NFIX: variants seen among roughly 807,000 people sequenced by gnomAD.
NFIX encodes nuclear factor I X.
In NFIX, 2 loss-of-function variants were observed where a neutral mutation model predicts 53.3. That is an observed-to-expected ratio of 0.04 (90% CI 0.02 to 0.12). The LOEUF is 0.12. NFIX is among the 10% of genes least tolerant of loss of function. NFIX has a pLI of 1.00. For synonymous variants in NFIX, 244 were observed against 289.0 expected, an observed-to-expected ratio of 0.84 and a Z score of 1.58; for missense variants, 310 against 674.5, an observed-to-expected ratio of 0.46 and a Z score of 5.99.
chr19:13,076,807 A>C (rs753113980), intron 6 of NFIX, among the ~76,000 whole-genome samples: 1 of 152,152 alleles, frequency 6.6e-6, no homozygotes, highest in African/African-American at 2.4e-5. Context: ...CCCAGAACGA[A>C]TGCAAGTTCT....
chr19:13,039,228 C>A (rs7508763), intron 2 of NFIX, among the ~76,000 whole-genome samples: 49,409 of 144,494 alleles, frequency 0.34, 9,993 homozygotes, highest in East Asian at 0.69. Flanking sequence ...ACACCCCCCC[C>A]CACACACACA....
Position 13,018,342 on chromosome 19 carries a change from G to C in NFIX, c.28-6679G>C, listed in dbSNP as rs1004424739. Among the ~76,000 whole-genome samples, 8 of 117,900 alleles carry C rather than the reference G, an allele frequency of 6.8e-5. 2 individuals are homozygous for C. In the East Asian group the frequency reaches 9.2e-4, roughly 14 times the overall value. The allele number at this position is 117,900 out of a possible 152,430, so 77.3% of individuals were successfully genotyped here. ...GAGGAGAAAAGGAAGGGGCGGGGGGGGGGGGGGGGCGCGGTTTACAGGAGA... is the reference window on the plus strand; with the variant it reads ...GAGGAGAAAAGGAAGGGGCGGGGGGCGGGGGGGGGCGCGGTTTACAGGAGA... On this transcript the variant is annotated intron_variant, in intron 1 of 10. Transcript: ENST00000592199.
chr19:13,046,659 G>GT (rs946701476), intron 2 of NFIX, among the ~76,000 whole-genome samples: 15 of 152,150 alleles, frequency 9.9e-5, no homozygotes, highest in Admixed American at 9.8e-4. Flanking sequence ...TTGATGTTTT[G>GT]TTTGGTAAAA....
rs957386790 is a variant in NFIX at position 13,089,801 on chromosome 19, A to T, written c.1403-498A>T. 6.6e-6 allele frequency among the ~76,000 whole-genome samples: 1 copy of T among 152,160 alleles called. No homozygotes were observed. The highest frequency in any genetic ancestry group is 1.5e-5 in the Non-Finnish European group (1 of 67,994). On this transcript the variant is annotated intron_variant, in intron 9 of 10. Coordinates refer to ENST00000592199, the MANE Select transcript of NFIX (RefSeq NM_001365902.3). This position sits in a 1 kb window ranked among gnomAD's most constrained non-coding sequence, Gnocchi z 4.8. ...CTGGCTGGGAAGGCCTTCCCGAAGC[A>T]GGGTGGGGCCGGACTGCCAAAGCCT...
chr19:13,070,926 G>A (rs1481550767), intron 2 of NFIX: 1 of 152,492 alleles, frequency 6.6e-6, no homozygotes, highest in Non-Finnish European at 1.5e-5. Context: ...CCTGGGCTGG[G>A]TACGCGCATG....
At position 13,096,072 on chromosome 19, in the gene NFIX, C is replaced by A. The variant is rs1275472708; in HGVS notation, c.*1423C>A. The stretch of plus-strand genomic sequence containing the variant: ...GTCCAGAGGGTCTTCAGAAGCCCCC[C>A]TGGGAGGGAGGGGAGGATGAGCACG... On this transcript the variant is annotated 3_prime_UTR_variant, in exon 11 of 11. Coordinates refer to ENST00000592199, the MANE Select transcript of NFIX (RefSeq NM_001365902.3). 1 of 152,550 alleles carries A rather than the reference C, an allele frequency of 6.6e-6. No homozygotes were observed. The highest frequency in any genetic ancestry group is 1.5e-5 in the Non-Finnish European group (1 of 68,084). The allele number at this position is 152,550 out of a possible 1,614,324, so 9.4% of individuals were successfully genotyped here.
intron 6 of NFIX, among the ~76,000 whole-genome samples, chr19:13,076,287 G>C (rs2145446340): frequency 6.6e-6 from 1 of 152,322 alleles, no homozygotes; most frequent in East Asian, 1.9e-4. Flanking sequence ...TTTGAGACCA[G>C]GTAGGGAAGC....
chr19:13,018,029 T>C (rs1434177732), intron 1 of NFIX, among the ~76,000 whole-genome samples: 11 of 152,214 alleles, frequency 7.2e-5, no homozygotes, highest in Non-Finnish European at 1.5e-4. Flanking sequence ...AGCTTTGGCC[T>C]TCCTGGCTTT....
intron 6 of NFIX, among the ~76,000 whole-genome samples, chr19:13,077,721 C>G (rs2017194233): frequency 6.6e-6 from 1 of 152,244 alleles, no homozygotes; most frequent in African/African-American, 2.4e-5. Flanking sequence ...CCTTCCCAGC[C>G]TGGGCACAAC....
chr19:13,055,083 A>C (rs2015570173), intron 2 of NFIX, among the ~76,000 whole-genome samples: 1 of 140,438 alleles, frequency 7.1e-6, no homozygotes, highest in South Asian at 2.4e-4. Context: ...TCTCCTAATA[A>C]TCCCCCCTTT....
In NFIX at chr19:13,072,949, G is replaced by C; in HGVS notation, c.560-98G>C. 1.7e-6 allele frequency: 2 copies of C among 1,201,462 alleles called. No individual in the cohort carries two copies. The highest frequency in any genetic ancestry group is 2.3e-5 in the East Asian group (1 of 42,932). The allele number at this position is 1,201,462 out of a possible 1,614,324, so 74.4% of individuals were successfully genotyped here. On this transcript the variant is annotated intron_variant, in intron 2 of 10. Coordinates refer to ENST00000592199, the MANE Select transcript of NFIX (RefSeq NM_001365902.3). The surrounding 1 kb of genome is among the most constrained non-coding windows in gnomAD (Gnocchi z 4.0). ...AAGGTTTCTGTAGCCAGGGTGGGCC[G>C]TCCCTGCTCTTGCACCAGGCTGGAG...
chr19:13,091,368 G>GT (rs778831406), intron 10 of NFIX, among the ~76,000 whole-genome samples: 3,329 of 52,794 alleles, frequency 0.063, 56 homozygotes, highest in Middle Eastern at 0.16. Flanking sequence ...GTTTGAGATT[G>GT]TTTTTTTTTT....
Position 13,090,273 on chromosome 19 carries a change from C to T in NFIX, c.1403-26C>T. ...TGGGCCCCAAGGCCTGACAGGGTCT[C>T]TCCCTCTCTCCCCTGCTCCCCACAG... On this transcript the variant is annotated intron_variant, in intron 9 of 10. Coordinates refer to ENST00000592199, the MANE Select transcript of NFIX (RefSeq NM_001365902.3). This position sits in a 1 kb window ranked among gnomAD's most constrained non-coding sequence, Gnocchi z 6.6. 1 of 1,612,070 alleles carries T rather than the reference C, an allele frequency of 6.2e-7. No individual in the cohort carries two copies. Among genetic ancestry groups the T allele is most frequent in the Non-Finnish European group, 8.5e-7 (1 of 1,178,242 alleles).
At position 13,094,612 on chromosome 19, in the gene NFIX, G is replaced by A. The variant is rs1204919177; in HGVS notation, c.1495-23G>A. 1.9e-5 allele frequency: 29 copies of A among 1,535,900 alleles called. No homozygotes were observed. In the Admixed American group the frequency reaches 3.9e-4, roughly 21 times the overall value. The stretch of plus-strand genomic sequence containing the variant: ...ACCTGCCCCAGCTGTTCTCAGTATC[G>A]CCTCTTTTTCATCCTGTTTCAGTCC... On this transcript the variant is annotated intron_variant, in intron 10 of 10. Transcript: ENST00000592199. The surrounding 1 kb of genome is among the most constrained non-coding windows in gnomAD (Gnocchi z 4.3).
At position 13,013,460 on chromosome 19, in the gene NFIX, G is replaced by A. The variant is rs2012486466; in HGVS notation, c.28-11561G>A. Among the ~76,000 whole-genome samples the A allele has an allele frequency of 6.6e-6, 1 of 152,054 alleles. No individual in the cohort carries two copies. The highest frequency in any genetic ancestry group is 2.4e-5 in the African/African-American group (1 of 41,392). ...TTGATGGTGTTAGGTCCTTTTCCAC[G>A]TGCGGATGACTCAGCCCGCTGCAGC... On this transcript the variant is annotated intron_variant, in intron 1 of 10. Coordinates refer to ENST00000592199, the MANE Select transcript of NFIX (RefSeq NM_001365902.3). This position sits in a 1 kb window ranked among gnomAD's most constrained non-coding sequence, Gnocchi z 5.9.
chr19:13,020,276 C>T (rs759542855), intron 1 of NFIX, among the ~76,000 whole-genome samples: 15 of 152,142 alleles, frequency 9.9e-5, no homozygotes, highest in African/African-American at 2.4e-4. Context: ...TCATGAGGGG[C>T]GTGTCTGGGC....
intron 1 of NFIX, among the ~76,000 whole-genome samples, chr19:13,015,790 T>TCA (rs5827172): frequency 0.069 from 9,158 of 132,030 alleles, 437 homozygotes; most frequent in African/African-American, 0.16. Context: ...CATAGAGAGA[T>TCA]CACACACACA....
chr19:13,001,606 C>T lies in NFIX; in HGVS notation c.27+5742C>T, dbSNP rs188549538. 3.9e-5 allele frequency among the ~76,000 whole-genome samples: 6 copies of T among 152,284 alleles called. No homozygotes were observed. Among genetic ancestry groups the T allele is most frequent in the East Asian group, 3.9e-4 (2 of 5,174 alleles). ...TGTGCGTCACGGCAAAGAGTGTATC[C>T]GTGTGTCTCACACACGTGTTGGCCT... is the stretch of plus-strand genomic sequence containing the variant. On this transcript the variant is annotated intron_variant, in intron 1 of 10. Coordinates refer to ENST00000592199, the MANE Select transcript of NFIX (RefSeq NM_001365902.3). This position sits in a 1 kb window ranked among gnomAD's most constrained non-coding sequence, Gnocchi z 6.5.
At chr19:13,015,320 G>A (rs1030201704) in intron 1 of NFIX, among the ~76,000 whole-genome samples, 1 of 152,064 alleles carries the variant, frequency 6.6e-6, no homozygotes, top group Admixed American at 6.5e-5. Flanking sequence ...GTGAAAGTGA[G>A]GGGGGAACCA....
Sources: gnomAD v4.1 joint callset for allele counts (sites outside exome capture counted in the v4.1 genomes callset) on GRCh38, gnomAD v4.1.1 for gene constraint, Gnocchi (gnomAD v3.1) non-coding constraint, MANE v1.5 for transcripts, NCBI Gene and HGNC (gene_info 2026-07-23, HGNC 2026-07-21) for gene names.